The following ATP2C2 variants were observed in gnomAD, a reference collection of about 807,000 sequenced individuals.
ATP2C2 encodes calcium-transporting ATPase type 2C member 2.
In ATP2C2, 171 loss-of-function variants were observed where a neutral mutation model predicts 110.8. That is an observed-to-expected ratio of 1.54 (90% CI 1.36 to 1.75). ATP2C2 has a LOEUF of 1.75. Ranked by LOEUF, ATP2C2 falls within the 40% of genes most tolerant of loss-of-function variation. The pLI is 0.00. For missense variants in ATP2C2, 1,963 were observed against 1,235.0 expected (o/e 1.59, Z -8.84); for synonymous variants, 804 against 508.4 (o/e 1.58, Z -7.82).
chr16:84,375,740 C>G (rs540055793), intron 1 of ATP2C2, among the ~76,000 whole-genome samples: 26 of 152,284 alleles, frequency 1.7e-4, no homozygotes, highest in Admixed American at 2.6e-4. Flanking sequence ...AGAATACAAT[C>G]TGGAGAAAGA....
intron 1 of ATP2C2, among the ~76,000 whole-genome samples, chr16:84,388,217 C>T (rs762783263): frequency 1.4e-4 from 21 of 152,044 alleles, no homozygotes; most frequent in Non-Finnish European, 2.5e-4. Context: ...TCTAGCTACT[C>T]GGGAGACTGA....
intron 1 of ATP2C2, among the ~76,000 whole-genome samples, chr16:84,370,717 G>T (rs189323474): frequency 6.6e-6 from 1 of 150,632 alleles, no homozygotes; most frequent in East Asian, 1.9e-4. Flanking sequence ...TTATTTAGGG[G>T]TTCCATTTTC....
chr16:84,407,024 A>G (rs537287263), intron 3 of ATP2C2, among the ~76,000 whole-genome samples: 22 of 152,306 alleles, frequency 1.4e-4, no homozygotes, highest in Admixed American at 2.6e-4. Context: ...CGGTTCAGCA[A>G]TGCATCTGTG....
At chr16:84,439,608 A>G (rs1413191553) in intron 13 of ATP2C2, 84 bp downstream of exon 13, 6 of 1,264,206 alleles carry the variant, frequency 4.7e-6, no homozygotes, top group Middle Eastern at 3.9e-4. Context: ...AATGTCTTCT[A>G]GAACACAATA....
chr16:84,449,903 C>T (rs1910101495), intron 17 of ATP2C2, among the ~76,000 whole-genome samples: 2 of 152,248 alleles, frequency 1.3e-5, no homozygotes, highest in South Asian at 2.1e-4. Flanking sequence ...CTGCACCTGG[C>T]ACTTGGGCCC....
At chr16:84,388,519 TG>T (rs1172412356) in intron 1 of ATP2C2, among the ~76,000 whole-genome samples, 1 of 152,160 alleles carries the variant, frequency 6.6e-6, no homozygotes, top group East Asian at 1.9e-4. Flanking sequence ...CTGAGAATCC[TG>T]GAATAAGATA....
At position 84,460,772 on chromosome 16, in the gene ATP2C2, A is replaced by C. The variant is rs777473870; in HGVS notation, c.2452A>C (p.Ser818Arg). The stretch of plus-strand genomic sequence containing the variant: ...CCTCATGTCCGCGGCCATCATCATC[A>C]GCGGGACCCTCTTTATCTTCTGGAA... ...KILMSAAIII[S>R]GTLFIFWKEM... Residue 818 changes from serine to arginine, a missense_variant, in exon 24 of 27, where the codon AGC becomes CGC. Ser to Arg is a moderately radical substitution (Grantham distance 110, BLOSUM62 -1). Coordinates refer to ENST00000262429, the MANE Select transcript of ATP2C2 (RefSeq NM_014861.4). 6.2e-7 allele frequency: 1 copy of C among 1,613,862 alleles called. No individual in the cohort carries two copies. Among genetic ancestry groups the C allele is most frequent in the South Asian group, 1.1e-5 (1 of 91,076 alleles).
chr16:84,419,386 A>G lies in ATP2C2; in HGVS notation c.625-3004A>G, dbSNP rs1024052550. 3.3e-5 allele frequency among the ~76,000 whole-genome samples: 5 copies of G among 152,124 alleles called. No homozygotes were observed. The South Asian group carries it at 8.3e-4, about 25-fold the overall frequency. ...CTGTTACATCTCCCTGACATCAGAC[A>G]CATCTCCAACCCTCCGTCCTCCCCT... On this transcript the variant is annotated intron_variant, in intron 7 of 26. Coordinates refer to ENST00000262429, the MANE Select transcript of ATP2C2 (RefSeq NM_014861.4).
At chr16:84,371,444 G>A (rs1036687846) in intron 1 of ATP2C2, among the ~76,000 whole-genome samples, 6 of 152,334 alleles carry the variant, frequency 3.9e-5, no homozygotes, top group East Asian at 1.9e-4. Context: ...GGTCAAGGCT[G>A]CAGTGAGTTG....
rs760240858 is a variant in ATP2C2 at position 84,415,535 on chromosome 16, G to A, written c.568G>A (p.Asp190Asn). The change falls in exon 7 of 27, where the codon GAT (aspartate) becomes AAT (asparagine). Residue 190 changes from aspartate to asparagine, a missense_variant. By Grantham distance (23) the Asp-to-Asn change is conservative. Coordinates refer to ENST00000262429, the MANE Select transcript of ATP2C2 (RefSeq NM_014861.4). ...GCTTGCTCGAGAACTGGTTCCTGGT[G>A]ATGTCGTATCTCTCTCGATCGGAGA... ...HLLARELVPG[D>N]VVSLSIGDRI... The A allele has an allele frequency of 1.2e-6, 2 of 1,614,174 alleles. No homozygotes were observed. Among genetic ancestry groups the A allele is most frequent in the South Asian group, 1.1e-5 (1 of 91,068 alleles).
chr16:84,419,101 C>G (rs981556212), intron 7 of ATP2C2, among the ~76,000 whole-genome samples: 1 of 148,732 alleles, frequency 6.7e-6, no homozygotes, highest in Non-Finnish European at 1.5e-5. Context: ...CCCAGCTACT[C>G]AGGAGACTGA....
chr16:84,439,730 CT>C (rs1909074864), intron 13 of ATP2C2, among the ~76,000 whole-genome samples: 1 of 152,186 alleles, frequency 6.6e-6, no homozygotes, highest in South Asian at 2.1e-4. Flanking sequence ...AGGTAGCCTC[CT>C]TTTTTAGTTA....
chr16:84,442,636 T>C (rs771822134), intron 15 of ATP2C2, 37 bp downstream of exon 15: 2 of 1,590,794 alleles, frequency 1.3e-6, no homozygotes, highest in South Asian at 1.1e-5. Flanking sequence ...GGGAATTCTT[T>C]CGCTCGGGGC....
intron 11 of ATP2C2, among the ~76,000 whole-genome samples, chr16:84,430,568 A>G (rs1393372622): frequency 6.8e-6 from 1 of 147,072 alleles, no homozygotes; most frequent in African/African-American, 2.5e-5. Flanking sequence ...TGAACCCGGG[A>G]GGCAGAGGTT....
chr16:84,375,866 G>T (rs57565623), intron 1 of ATP2C2, among the ~76,000 whole-genome samples: 1 of 152,014 alleles, frequency 6.6e-6, no homozygotes, highest in Non-Finnish European at 1.5e-5. Flanking sequence ...AAAAAAAGGA[G>T]ATGTGAAAAA....
intron 4 of ATP2C2, among the ~76,000 whole-genome samples, chr16:84,409,001 A>G (rs1433674744): frequency 6.6e-6 from 1 of 152,014 alleles, no homozygotes; most frequent in Non-Finnish European, 1.5e-5. Flanking sequence ...CCAGAAGGAA[A>G]CCCTGTGCTC....
At chr16:84,401,377 A>C (rs532131194) in intron 2 of ATP2C2, among the ~76,000 whole-genome samples, 13 of 152,104 alleles carry the variant, frequency 8.5e-5, no homozygotes, top group African/African-American at 2.9e-4. Flanking sequence ...GGCATGCACA[A>C]CCACATCCAG....
intron 23 of ATP2C2, chr16:84,459,829 C>T (rs984528059): frequency 4.5e-6 from 2 of 446,746 alleles, no homozygotes; most frequent in Non-Finnish European, 8.2e-6. Flanking sequence ...ACATCAGTTT[C>T]ATGGAGGCGG....
chr16:84,459,302 C>T lies in ATP2C2; in HGVS notation c.2249C>T (p.Ser750Phe), dbSNP rs769992295. 5.6e-6 allele frequency: 9 copies of T among 1,614,198 alleles called. No individual in the cohort carries two copies. The highest frequency in any genetic ancestry group is 7.6e-6 in the Non-Finnish European group (9 of 1,180,028). Residue 750 changes from serine (S) to phenylalanine (F), a missense_variant, in exon 23 of 27, where the codon TCC (serine) becomes TTC (phenylalanine). Physicochemically the swap from Ser to Phe is radical, Grantham distance 155. Transcript: ENST00000262429. ...TCCGCCCTGAGTCTCATCACTCTGT[C>T]CACCGTGTTCAACCTGCCCAGCCCC... ...SISALSLITL[S>F]TVFNLPSPLN...
Sources: gnomAD v4.1 joint callset for allele counts (sites outside exome capture counted in the v4.1 genomes callset) on GRCh38, gnomAD v4.1.1 for gene constraint, MANE v1.5 for transcripts, NCBI Gene and HGNC (gene_info 2026-07-23, HGNC 2026-07-21) for gene names.